ITGAM: variants seen among roughly 807,000 people sequenced by gnomAD.
ITGAM encodes integrin alpha-M.
ITGAM carries 79 observed loss-of-function variants against 137.5 expected under a neutral mutation model. The observed-to-expected ratio is 0.57, with a 90% CI of 0.48 to 0.69. ITGAM has a LOEUF of 0.69. ITGAM is among the 30% of genes least tolerant of loss of function. ITGAM has a pLI of 0.00. For synonymous variants in ITGAM, 583 were observed against 592.3 expected (o/e 0.98, Z 0.23); for missense variants, 1,343 against 1,483.5 (o/e 0.91, Z 1.56).
At chr16:31,267,001 G>C (rs1183518558) in intron 5 of ITGAM, among the ~76,000 whole-genome samples, 1 of 151,920 alleles carries the variant, frequency 6.6e-6, no homozygotes, top group Non-Finnish European at 1.5e-5. Flanking sequence ...CCAAGTAGCT[G>C]GGATTACAGG....
intron 8 of ITGAM, among the ~76,000 whole-genome samples, chr16:31,275,179 C>G (rs1359282711): frequency 6.6e-6 from 1 of 152,066 alleles, no homozygotes; most frequent in Non-Finnish European, 1.5e-5. Context: ...TCAGTGTAAT[C>G]AAACTACTAC....
rs199951990 is a variant in ITGAM at position 31,297,916 on chromosome 16, G to A, written c.1669G>A (p.Gly557Arg). The A allele has an allele frequency of 3.2e-5, 52 of 1,613,748 alleles. No individual in the cohort carries two copies. The highest frequency in any genetic ancestry group is 6.7e-5 in the African/African-American group (5 of 74,846). The change falls in exon 14 of 30, where the codon GGA becomes AGA. Residue 557 changes from glycine (G) to arginine (R), a missense_variant. Gly to Arg is a moderately radical substitution (Grantham distance 125). Transcript: ENST00000544665. Reference sequence around the variant, plus strand: ...CCGGGGTGCTGTTTACCTGTTTCACGGAACCTCAGGATCTGGCATCAGCCC... The same window carrying A: ...CCGGGGTGCTGTTTACCTGTTTCACAGAACCTCAGGATCTGGCATCAGCCC... ...DNRGAVYLFH[G>R]TSGSGISPSH...
At chr16:31,278,768 A>C (rs2079937061) in intron 12 of ITGAM, among the ~76,000 whole-genome samples, 1 of 152,200 alleles carries the variant, frequency 6.6e-6, no homozygotes, top group Non-Finnish European at 1.5e-5. Context: ...TTTAAGTTCT[A>C]GGGTACATGT....
chr16:31,283,414 A>C (rs888795521), intron 12 of ITGAM, among the ~76,000 whole-genome samples: 5 of 151,926 alleles, frequency 3.3e-5, no homozygotes, highest in Admixed American at 6.6e-5. Context: ...GGCTTTGTTC[A>C]TTTCTTTTTA....
chr16:31,308,644 T>C (rs1405581691), intron 14 of ITGAM, among the ~76,000 whole-genome samples: 1 of 152,268 alleles, frequency 6.6e-6, no homozygotes, highest in African/African-American at 2.4e-5. Context: ...TTTGTGTCTC[T>C]ATTTCCTTCA....
In ITGAM at chr16:31,273,369, G is replaced by A; in HGVS notation, c.709G>A (p.Glu237Lys). 6.2e-7 allele frequency: 1 copy of A among 1,613,366 alleles called. No homozygotes were observed. ...TCCCTCCTGTTTCCTGCACAGACGA[G>A]AGCTGTTTAACATCACCAACGGAGC... Reference protein sequence around the residue: ...TATGIRKVVRELFNITNGARK... With the variant: ...TATGIRKVVRKLFNITNGARK... The change falls in exon 8 of 30, where the codon GAG becomes AAG. Residue 237 changes from glutamate (E) to lysine (K), a missense_variant. Transcript: ENST00000544665.
intron 14 of ITGAM, among the ~76,000 whole-genome samples, chr16:31,302,267 A>T (rs1263226482): frequency 6.6e-6 from 1 of 152,158 alleles, no homozygotes; most frequent in East Asian, 1.9e-4. Context: ...AGACATCCTC[A>T]ATCAACCCAA....
At chr16:31,331,530 C>CCGGGGGCCCGGG in intron 29 of ITGAM, 106 bp from the exon 30 acceptor site, 1 of 661,474 alleles carries the variant, frequency 1.5e-6, no homozygotes, top group Non-Finnish European at 2.7e-6. Context: ...CCCCGCCCTC[C>CCGGGGGCCCGGG]TGGGTCCCTT....
At chr16:31,281,507 AG>A (rs763292853) in intron 12 of ITGAM, among the ~76,000 whole-genome samples, 1 of 152,138 alleles carries the variant, frequency 6.6e-6, no homozygotes, top group Non-Finnish European at 1.5e-5. Flanking sequence ...TTATTTGTGT[AG>A]AGGTGTTTAT....
intron 14 of ITGAM, among the ~76,000 whole-genome samples, chr16:31,301,696 C>G (rs2080199071): frequency 6.6e-6 from 1 of 152,094 alleles, no homozygotes; most frequent in African/African-American, 2.4e-5. Context: ...TACAAAAATC[C>G]AGTGAAACTT....
intron 22 of ITGAM, 65 bp from the exon 23 acceptor site, chr16:31,328,082 G>C (rs41517750): frequency 0.01 from 12,254 of 1,219,128 alleles, 93 homozygotes; most frequent in Middle Eastern, 0.034. Flanking sequence ...GAGTGAGGGA[G>C]AGGGAGGAGC....
intron 2 of ITGAM, among the ~76,000 whole-genome samples, chr16:31,262,179 T>C (rs2079707263): frequency 1.3e-5 from 2 of 152,202 alleles, no homozygotes; most frequent in Admixed American, 6.5e-5. Context: ...TGTGAATGAA[T>C]TTTATTGAAA....
intron 12 of ITGAM, among the ~76,000 whole-genome samples, chr16:31,286,162 C>T (rs2144345295): frequency 6.6e-6 from 1 of 150,884 alleles, no homozygotes; most frequent in East Asian, 1.9e-4. Context: ...ATCCATGTTG[C>T]CGCAAAGGAT....
At chr16:31,302,815 G>A (rs1448713452) in intron 14 of ITGAM, among the ~76,000 whole-genome samples, 4 of 151,580 alleles carry the variant, frequency 2.6e-5, no homozygotes, top group African/African-American at 4.9e-5. Context: ...GATTACAGGC[G>A]TGAGCCACCG....
At chr16:31,330,030 A>G in intron 25 of ITGAM, 51 bp from the exon 26 acceptor site, 1 of 1,582,582 alleles carries the variant, frequency 6.3e-7, no homozygotes, top group East Asian at 2.3e-5. Flanking sequence ...TCCCGAGATG[A>G]GGCCCTGGCG....
Position 31,321,571 on chromosome 16 carries a change from G to A in ITGAM, c.1946G>A (p.Gly649Glu), listed in dbSNP as rs753357015. The change falls in exon 16 of 30, where the codon GGA (glycine) becomes GAA (glutamate). Residue 649 changes from glycine (G) to glutamate (E), a missense_variant. Coordinates refer to ENST00000544665, the MANE Select transcript of ITGAM (RefSeq NM_000632.4). ...CAGGTGGTGAAAGGCAAGGAAGCCG[G>A]AGAGGTCAGAGTCTGCCTCCATGTC... Reference protein sequence around the residue: ...NDQVVKGKEAGEVRVCLHVQK... With the variant: ...NDQVVKGKEAEEVRVCLHVQK... 1 of 1,613,876 alleles carries A rather than the reference G, an allele frequency of 6.2e-7. No homozygotes were observed. Among genetic ancestry groups the A allele is most frequent in the Non-Finnish European group, 8.5e-7 (1 of 1,179,902 alleles).
At position 31,276,841 on chromosome 16, in the gene ITGAM, T is replaced by C. The variant is rs377024740; in HGVS notation, c.1084-79T>C. 249 of 1,587,176 alleles carry C rather than the reference T, an allele frequency of 1.6e-4. No individual in the cohort carries two copies. In the Middle Eastern group the frequency reaches 3.8e-3, roughly 24 times the overall value. On this transcript the variant is annotated intron_variant, in intron 10 of 29. Transcript: ENST00000544665. ...TTTGGGGACTCTTCTCTGTGATAGA[T>C]ACTTGGGAAGTAGCTCTGTGAGGGG...
At chr16:31,262,770 G>T (rs2079720059) in intron 2 of ITGAM, among the ~76,000 whole-genome samples, 1 of 151,960 alleles carries the variant, frequency 6.6e-6, no homozygotes, top group Non-Finnish European at 1.5e-5. Flanking sequence ...GGACCCTGAA[G>T]CCTAAAACAT....
chr16:31,264,227 G>A (rs1265672235), intron 2 of ITGAM, among the ~76,000 whole-genome samples: 3 of 151,930 alleles, frequency 2.0e-5, no homozygotes, highest in African/African-American at 7.2e-5. Context: ...TGGGCTGGTC[G>A]CTGGAAGCCA....
Sources: gnomAD v4.1 joint callset for allele counts (sites outside exome capture counted in the v4.1 genomes callset) on GRCh38, gnomAD v4.1.1 for gene constraint, MANE v1.5 for transcripts, NCBI Gene and HGNC (gene_info 2026-07-23, HGNC 2026-07-21) for gene names.